The following SMAP2 variants were observed in gnomAD, a reference collection of about 807,000 sequenced individuals.
The protein encoded by SMAP2 is stromal membrane-associated protein 2.
SMAP2 carries 25 observed loss-of-function variants against 56.4 expected under a neutral mutation model. The ratio of observed to expected loss-of-function variants is 0.44; its 90% CI spans 0.32 to 0.62. The LOEUF (loss-of-function observed/expected upper bound fraction) is 0.62. Ranked by LOEUF, SMAP2 falls within the 20% of genes least tolerant of loss-of-function variation. SMAP2 has a pLI of 0.04. For synonymous variants in SMAP2, 157 were observed against 181.7 expected (o/e 0.86, Z 1.09); for missense variants, 388 against 545.6 (o/e 0.71, Z 2.88).
rs1442910063 is a variant in SMAP2 at position 40,385,648 on chromosome 1, A to C, written c.103+11425A>C. Reference sequence around the variant, plus strand: ...CTAGCATGGTGATTTGAGCAAATAGAGCACCTTTTCTTTTCCTTTTCTTCA... The same window carrying C: ...CTAGCATGGTGATTTGAGCAAATAGCGCACCTTTTCTTTTCCTTTTCTTCA... On this transcript the variant is annotated intron_variant, in intron 1 of 9. Transcript: ENST00000372718. The surrounding 1 kb of genome is among the most constrained non-coding windows in gnomAD (Gnocchi z 4.5). Among the ~76,000 whole-genome samples, 1 of 152,226 alleles carries C rather than the reference A, an allele frequency of 6.6e-6. No homozygotes were observed. The highest frequency in any genetic ancestry group is 2.4e-5 in the African/African-American group (1 of 41,460).
chr1:40,421,886 C>G (rs1389911943), intron 9 of SMAP2, 90 bp from the exon 10 acceptor site: 4 of 1,458,160 alleles, frequency 2.7e-6, no homozygotes, highest in Non-Finnish European at 3.8e-6. Flanking sequence ...TCTCCCCATC[C>G]TGGCAGAGAA....
chr1:40,413,147 T>G, intron 5 of SMAP2, 45 bp downstream of exon 5: 37 of 1,446,090 alleles, frequency 2.6e-5, no homozygotes, highest in Middle Eastern at 1.7e-4. Flanking sequence ...CTCAGGTATG[T>G]GTATATTTGT....
At chr1:40,383,587 C>T (rs1047168737) in intron 1 of SMAP2, among the ~76,000 whole-genome samples, 8 of 152,170 alleles carry the variant, frequency 5.3e-5, no homozygotes, top group African/African-American at 1.9e-4. Context: ...TTGACTGTTG[C>T]TGAAACAATT....
intron 1 of SMAP2, among the ~76,000 whole-genome samples, chr1:40,375,454 G>A (rs957850618): frequency 2.6e-5 from 4 of 152,128 alleles, no homozygotes; most frequent in African/African-American, 9.7e-5. Flanking sequence ...TGAAGAATAA[G>A]GTTATAAAAG....
At chr1:40,398,602 T>G (rs1233606251) in intron 1 of SMAP2, among the ~76,000 whole-genome samples, 1 of 152,204 alleles carries the variant, frequency 6.6e-6, no homozygotes, top group Non-Finnish European at 1.5e-5. Context: ...ATTCTTAACG[T>G]ATTTCTTTGT....
At chr1:40,364,606 T>C (rs1171362666) in intron 2 of SMAP2, among the ~76,000 whole-genome samples, 1 of 151,902 alleles carries the variant, frequency 6.6e-6, no homozygotes, top group Non-Finnish European at 1.5e-5. Context: ...TAGCTGGACA[T>C]GGTGATGTAC....
intron 2 of SMAP2, among the ~76,000 whole-genome samples, chr1:40,363,378 G>A (rs2124180014): frequency 6.6e-6 from 1 of 152,292 alleles, no homozygotes; most frequent in South Asian, 2.1e-4. Context: ...GAAAATGGTT[G>A]TCTCAGAGGA....
chr1:40,347,210 T>TTGTG (rs150333831), intron 1 of SMAP2, among the ~76,000 whole-genome samples: 29 of 145,394 alleles, frequency 2.0e-4, no homozygotes, highest in Non-Finnish European at 3.3e-4. Flanking sequence ...CCTGGCTAAT[T>TTGTG]TGTGTGTGTG....
At chr1:40,399,310 A>ATTTTTTTTTTTTTTTTTTT (rs747127620) in intron 1 of SMAP2, among the ~76,000 whole-genome samples, 7 of 91,954 alleles carry the variant, frequency 7.6e-5, no homozygotes, top group Admixed American at 1.4e-4. Flanking sequence ...ACGTGTGGCT[A>ATTTTTTTTTTTTTTTTTTT]TTTTTTTTTT....
chr1:40,402,129 A>G (rs393985), intron 1 of SMAP2, among the ~76,000 whole-genome samples: 47,122 of 152,112 alleles, frequency 0.31, 7,904 homozygotes, highest in Non-Finnish European at 0.38. Context: ...TTTAAATTTC[A>G]AAATGGCATC....
intron 1 of SMAP2, among the ~76,000 whole-genome samples, chr1:40,397,428 G>A (rs1411462539): frequency 6.6e-6 from 1 of 152,148 alleles, no homozygotes; most frequent in East Asian, 1.9e-4. Context: ...TCTAGAGTGT[G>A]CTAAAATCAA....
intron 1 of SMAP2, among the ~76,000 whole-genome samples, chr1:40,346,004 G>T (rs1644384895): frequency 9.1e-6 from 1 of 110,308 alleles, no homozygotes; most frequent in Non-Finnish European, 1.8e-5. Context: ...TAAGAGACAG[G>T]TCTTGCTGTG....
Position 40,385,422 on chromosome 1 carries a change from A to T in SMAP2, c.103+11199A>T, listed in dbSNP as rs1018562910. Among the ~76,000 whole-genome samples, 12 of 151,914 alleles carry T rather than the reference A, an allele frequency of 7.9e-5. No individual in the cohort carries two copies. Among genetic ancestry groups the T allele is most frequent in the East Asian group, 3.9e-4 (2 of 5,188 alleles). ...AAGCTTACTTGGAAAATACTTTTTT[A>T]AAAAAAACATTTCAGGTCAAAGCTT... On this transcript the variant is annotated intron_variant, in intron 1 of 9. Coordinates refer to ENST00000372718, the MANE Select transcript of SMAP2 (RefSeq NM_022733.3). The surrounding 1 kb of genome is among the most constrained non-coding windows in gnomAD (Gnocchi z 4.5).
At chr1:40,373,405 G>C (rs1187804695), upstream of SMAP2, among the ~76,000 whole-genome samples, 1 of 152,224 alleles carries the variant, frequency 6.6e-6, no homozygotes. Flanking sequence ...ATTATGTTGG[G>C]ATAGTTCATG....
chr1:40,373,354 C>A (rs1488040499), upstream of SMAP2, among the ~76,000 whole-genome samples: 2 of 152,166 alleles, frequency 1.3e-5, no homozygotes, highest in Non-Finnish European at 2.9e-5. Flanking sequence ...GTATCAACAA[C>A]CCTCAGGTTA....
At chr1:40,369,502 C>G (rs2124189116), upstream of SMAP2, among the ~76,000 whole-genome samples, 3 of 150,934 alleles carry the variant, frequency 2.0e-5, no homozygotes, top group South Asian at 6.3e-4. Context: ...GGTACCAAAA[C>G]AGAGATATAG....
chr1:40,398,494 T>C (rs998895003), intron 1 of SMAP2, among the ~76,000 whole-genome samples: 2 of 152,236 alleles, frequency 1.3e-5, no homozygotes, highest in Admixed American at 1.3e-4. Context: ...TTATATGAAA[T>C]AGAGGCTCCA....
chr1:40,372,812 T>C (rs1644505652), upstream of SMAP2, among the ~76,000 whole-genome samples: 1 of 152,232 alleles, frequency 6.6e-6, no homozygotes, highest in African/African-American at 2.4e-5. Flanking sequence ...AATCGGATCA[T>C]GCTGTTTCCC....
intron 1 of SMAP2, among the ~76,000 whole-genome samples, chr1:40,347,240 GTTT>G (rs200888686): frequency 0.28 from 24,958 of 88,084 alleles, 2,273 homozygotes; most frequent in East Asian, 0.41. Context: ...GTGTGTGTGT[GTTT>G]TGTTTTTGTT....
Sources: gnomAD v4.1 joint callset for allele counts (sites outside exome capture counted in the v4.1 genomes callset) on GRCh38, gnomAD v4.1.1 for gene constraint, Gnocchi (gnomAD v3.1) non-coding constraint, MANE v1.5 for transcripts, NCBI Gene and HGNC (gene_info 2026-07-23, HGNC 2026-07-21) for gene names.